Variants in CCDC149 observed in about 807,000 individuals in gnomAD.
CCDC149 encodes coiled-coil domain-containing protein 149.
A neutral mutation model predicts 59.9 loss-of-function variants in CCDC149; 45 were observed. That is an observed-to-expected ratio of 0.75 (90% CI 0.59 to 0.96). The LOEUF is 0.96. Ranked by LOEUF, CCDC149 falls within the 40% of genes least tolerant of loss-of-function variation. CCDC149 has a pLI of 0.00. For missense variants in CCDC149, 584 were observed against 664.7 expected, an observed-to-expected ratio of 0.88 and a Z score of 1.33; for synonymous variants, 245 against 260.6, an observed-to-expected ratio of 0.94 and a Z score of 0.58.
At chr4:24,836,413 C>G in intron 7 of CCDC149, 23 bp downstream of exon 7, 1 of 1,483,470 alleles carries the variant, frequency 6.7e-7, no homozygotes, top group Non-Finnish European at 9.4e-7. Context: ...CAATCACCAT[C>G]ACTGTCATCA....
intron 2 of CCDC149, 97 bp from the exon 3 acceptor site, chr4:24,873,816 T>TGGGGGGC: frequency 2.6e-6 from 2 of 762,692 alleles, no homozygotes; most frequent in Non-Finnish European, 4.4e-6. Context: ...ATGTAGACTC[T>TGGGGGGC]CCCCACCCTC....
chr4:24,888,290 A>T (rs975316809), intron 1 of CCDC149, among the ~76,000 whole-genome samples: 1 of 152,182 alleles, frequency 6.6e-6, no homozygotes, highest in African/African-American at 2.4e-5. Context: ...ATAGATAGAT[A>T]GATTTACATA....
chr4:24,941,335 T>G (rs1722948575), intron 1 of CCDC149, among the ~76,000 whole-genome samples: 3 of 152,180 alleles, frequency 2.0e-5, no homozygotes, highest in African/African-American at 7.2e-5. Flanking sequence ...ATAAAGATGT[T>G]CTTTGAAACC....
chr4:24,943,613 A>G (rs1050612292), intron 1 of CCDC149, among the ~76,000 whole-genome samples: 2 of 152,252 alleles, frequency 1.3e-5, no homozygotes, highest in Non-Finnish European at 2.9e-5. Flanking sequence ...AGAAACCACC[A>G]TCAGAGTGAA....
intron 4 of CCDC149, among the ~76,000 whole-genome samples, chr4:24,839,024 T>TCA (rs1450322545): frequency 2.8e-5 from 3 of 107,440 alleles, no homozygotes; most frequent in African/African-American, 1.2e-4. Flanking sequence ...TCTCTCTCTC[T>TCA]CTCTCACACA....
intron 4 of CCDC149, among the ~76,000 whole-genome samples, chr4:24,839,022 T>A (rs1281734592): frequency 3.9e-4 from 42 of 108,378 alleles, no homozygotes; most frequent in South Asian, 1.4e-3. Flanking sequence ...TCTCTCTCTC[T>A]CTCTCTCACA....
chr4:24,861,704 G>A (rs544236681), intron 3 of CCDC149, among the ~76,000 whole-genome samples: 11 of 152,216 alleles, frequency 7.2e-5, no homozygotes, highest in Non-Finnish European at 1.3e-4. Context: ...ATTTGGCAAT[G>A]ACCATGATGT....
chr4:24,954,429 T>TG (rs1444401726), intron 1 of CCDC149, among the ~76,000 whole-genome samples: 1 of 152,228 alleles, frequency 6.6e-6, no homozygotes, highest in Admixed American at 6.5e-5. Context: ...GGTCTCTGCC[T>TG]GGGCTCTGAG....
At chr4:24,899,336 A>G (rs1011341176) in intron 1 of CCDC149, among the ~76,000 whole-genome samples, 1 of 152,188 alleles carries the variant, frequency 6.6e-6, no homozygotes, top group Non-Finnish European at 1.5e-5. Context: ...AAAGAGAGAT[A>G]GGAAAGTGTA....
intron 1 of CCDC149, among the ~76,000 whole-genome samples, chr4:24,943,617 G>C (rs1348029368): frequency 2.6e-5 from 4 of 152,190 alleles, no homozygotes; most frequent in Admixed American, 6.5e-5. Context: ...ACCACCATCA[G>C]AGTGAACAGG....
intron 1 of CCDC149, among the ~76,000 whole-genome samples, chr4:24,936,608 T>C (rs1351249183): frequency 1.3e-5 from 2 of 152,346 alleles, no homozygotes; most frequent in Middle Eastern, 6.8e-3. Context: ...ATATAGTACA[T>C]TGTTATTTTC....
chr4:24,892,793 T>C (rs1720605204), intron 1 of CCDC149, among the ~76,000 whole-genome samples: 1 of 152,226 alleles, frequency 6.6e-6, no homozygotes, highest in African/African-American at 2.4e-5. Flanking sequence ...TTTGTCCATT[T>C]TTTGTTGCTA....
At chr4:24,897,156 G>T (rs1720893055) in intron 1 of CCDC149, among the ~76,000 whole-genome samples, 1 of 152,118 alleles carries the variant, frequency 6.6e-6, no homozygotes, top group Non-Finnish European at 1.5e-5. Flanking sequence ...CTTTTAGTCT[G>T]GGGGCAAGAG....
chr4:24,885,389 C>T (rs1159299298), intron 1 of CCDC149, among the ~76,000 whole-genome samples: 2 of 152,282 alleles, frequency 1.3e-5, no homozygotes, highest in African/African-American at 4.8e-5. Context: ...GCAGACACAC[C>T]TTTGGATCCT....
intron 1 of CCDC149, among the ~76,000 whole-genome samples, chr4:24,903,024 CAAAAAAAA>C (rs10646050): frequency 5.7e-5 from 3 of 52,508 alleles, no homozygotes; most frequent in Non-Finnish European, 1.0e-4. Context: ...GAGTCTAACT[CAAAAAAAA>C]AAAAAAAAAA....
chr4:24,967,506 A>C (rs1723835728), intron 1 of CCDC149, among the ~76,000 whole-genome samples: 2 of 152,024 alleles, frequency 1.3e-5, no homozygotes, highest in African/African-American at 2.4e-5. Flanking sequence ...GGACAGTACC[A>C]CTATGTAGTG....
chr4:24,871,433 A>G (rs974416611), intron 3 of CCDC149, among the ~76,000 whole-genome samples: 2 of 152,232 alleles, frequency 1.3e-5, no homozygotes, highest in African/African-American at 4.8e-5. Flanking sequence ...CACCCATTTC[A>G]AAGTCCTGCT....
At chr4:24,811,004 C>G (rs374300196) in intron 12 of CCDC149, among the ~76,000 whole-genome samples, 1 of 152,154 alleles carries the variant, frequency 6.6e-6, no homozygotes, top group Non-Finnish European at 1.5e-5. Flanking sequence ...TCCAAGTGCT[C>G]ATCAACAGGG....
At chr4:24,919,715 A>G (rs950057398) in intron 1 of CCDC149, among the ~76,000 whole-genome samples, 4 of 152,234 alleles carry the variant, frequency 2.6e-5, no homozygotes, top group African/African-American at 9.6e-5. Flanking sequence ...GTGGGTTGGA[A>G]CAGCAAGCAT....
Sources: allele counts gnomAD v4.1 joint callset (sites outside exome capture counted in the v4.1 genomes callset), GRCh38; gene constraint gnomAD v4.1.1; transcripts MANE v1.5; gene names NCBI Gene and HGNC (gene_info 2026-07-23, HGNC 2026-07-21).